Variants in RAD51B observed in about 807,000 individuals in gnomAD.
RAD51B encodes RAD51 paralog B, also known as DNA repair protein RAD51 homolog 2.
In RAD51B, 38 loss-of-function variants were observed where a neutral mutation model predicts 42.2. That is an observed-to-expected ratio of 0.90 (90% CI 0.70 to 1.18). The LOEUF (loss-of-function observed/expected upper bound fraction) is 1.18. Among genes scored for constraint, RAD51B ranks in the 50% most tolerant of loss-of-function variants. The pLI is 0.00. For synonymous variants in RAD51B, 154 were observed against 145.2 expected (o/e 1.06, Z -0.43); for missense variants, 373 against 400.7 (o/e 0.93, Z 0.59).
intron 8 of RAD51B, among the ~76,000 whole-genome samples, chr14:68,400,598 C>T (rs1307832541): frequency 6.6e-6 from 1 of 152,168 alleles, no homozygotes; most frequent in African/African-American, 2.4e-5. Flanking sequence ...GAAAGCAAAG[C>T]TCATACCAGG....
intron 7 of RAD51B, among the ~76,000 whole-genome samples, chr14:68,246,342 C>G (rs1433902574): frequency 6.6e-6 from 1 of 151,908 alleles, no homozygotes; most frequent in Non-Finnish European, 1.5e-5. Context: ...GATAGAAGTT[C>G]CAGTAGACAG....
chr14:67,938,078 G>A (rs569790228), intron 7 of RAD51B, among the ~76,000 whole-genome samples: 1 of 152,284 alleles, frequency 6.6e-6, no homozygotes, highest in South Asian at 2.1e-4. Context: ...AGCCTGGCAT[G>A]TGCTCCAGTG....
intron 7 of RAD51B, among the ~76,000 whole-genome samples, chr14:67,926,623 G>T (rs1274675150): frequency 7.0e-6 from 1 of 143,680 alleles, no homozygotes; most frequent in Non-Finnish European, 1.5e-5. Flanking sequence ...GAGTGCAGTG[G>T]TGTGATCTTG....
intron 7 of RAD51B, among the ~76,000 whole-genome samples, chr14:68,281,080 G>C (rs986091035): frequency 3.3e-5 from 5 of 151,612 alleles, no homozygotes; most frequent in African/African-American, 9.7e-5. Context: ...AAAAAAAATA[G>C]AAGAAAAAGA....
intron 7 of RAD51B, among the ~76,000 whole-genome samples, chr14:68,204,679 A>T (rs1235563847): frequency 6.6e-6 from 1 of 152,234 alleles, no homozygotes; most frequent in East Asian, 1.9e-4. Context: ...GTGTACATTA[A>T]GTGGTGGAAG....
At chr14:68,387,383 C>G (rs947659123) in intron 8 of RAD51B, among the ~76,000 whole-genome samples, 2 of 152,156 alleles carry the variant, frequency 1.3e-5, no homozygotes, top group Non-Finnish European at 2.9e-5. Context: ...AAGGGATGTA[C>G]AAATCGATTG....
At position 68,067,248 on chromosome 14, in the gene RAD51B, A is replaced by G. The variant is rs139619474; in HGVS notation, c.756+180044A>G. On this transcript the variant is annotated intron_variant, in intron 7 of 10. Coordinates refer to ENST00000471583, the MANE Select transcript of RAD51B (RefSeq NM_133510.4). ...GAGGCCGAGGTGGGCAGATCACCTG[A>G]GGTCAGGAGTTTGAGAGCAGCCTGG... Among the ~76,000 whole-genome samples, 1,226 of 152,182 alleles carry G rather than the reference A, an allele frequency of 8.1e-3. 15 individuals carry two copies. Among genetic ancestry groups the G allele is most frequent in the African/African-American group, 0.028 (1,149 of 41,532 alleles).
In RAD51B at chr14:68,346,959, C is replaced by G. The variant is rs371761096; in HGVS notation, c.853+54979C>G. Among the ~76,000 whole-genome samples the G allele has an allele frequency of 7.7e-4, 117 of 152,268 alleles. 1 individual carries two copies. The highest frequency in any genetic ancestry group is 2.7e-3 in the African/African-American group (111 of 41,550). ...TTCCCCTCTTGCCTTCCCTCTACCCCCCAAGGCTGGCTCAGCTTTTAAGAC... is the reference window on the plus strand; with the variant it reads ...TTCCCCTCTTGCCTTCCCTCTACCCGCCAAGGCTGGCTCAGCTTTTAAGAC... On this transcript the variant is annotated intron_variant, in intron 8 of 10. Transcript: ENST00000471583.
Position 67,847,338 on chromosome 14 carries a change from T to C in RAD51B, c.315+12142T>C, listed in dbSNP as rs1401831503. Among the ~76,000 whole-genome samples the C allele has an allele frequency of 3.3e-5, 5 of 149,974 alleles. No individual in the cohort carries two copies. In the South Asian group the frequency reaches 8.3e-4, roughly 25 times the overall value. On this transcript the variant is annotated intron_variant, in intron 4 of 10. Transcript: ENST00000471583. ...GGGTTGGTTTGTTCTTTTTTTTTTT[T>C]TTTTTTTTTTCTAATTCCATTAGGT... is the stretch of plus-strand genomic sequence containing the variant.
chr14:68,614,519 C>T (rs1401542333), downstream of RAD51B, among the ~76,000 whole-genome samples: 1 of 152,182 alleles, frequency 6.6e-6, no homozygotes, highest in African/African-American at 2.4e-5. Context: ...ACTCCCCATT[C>T]CTCCTTCCCC....
At chr14:68,355,987 A>G (rs1010369039) in intron 8 of RAD51B, among the ~76,000 whole-genome samples, 55 of 152,232 alleles carry the variant, frequency 3.6e-4, no homozygotes, top group African/African-American at 1.3e-3. Flanking sequence ...TGCAGTAAAC[A>G]TTCTTTTACA....
At position 68,148,965 on chromosome 14, in the gene RAD51B, G is replaced by C. The variant is rs140000759; in HGVS notation, c.757-142919G>C. On this transcript the variant is annotated intron_variant, in intron 7 of 10. Coordinates refer to ENST00000471583, the MANE Select transcript of RAD51B (RefSeq NM_133510.4). ...GAACTTATTGAGTCATAACCCCACT[G>C]TAAGTTGAGGAGGATCTGCAGGTGT... Among the ~76,000 whole-genome samples the C allele has an allele frequency of 1.1e-4, 17 of 152,300 alleles. No individual in the cohort carries two copies. In the East Asian group the frequency reaches 3.1e-3, roughly 28 times the overall value.
chr14:68,586,339 C>T (rs1046522404), intron 10 of RAD51B, among the ~76,000 whole-genome samples: 3 of 150,998 alleles, frequency 2.0e-5, no homozygotes, highest in Non-Finnish European at 4.4e-5. Flanking sequence ...CCTAACCTTT[C>T]CCCTCCACAC....
At chr14:68,338,421 T>C (rs187615451) in intron 8 of RAD51B, among the ~76,000 whole-genome samples, 146 of 152,318 alleles carry the variant, frequency 9.6e-4, no homozygotes, top group African/African-American at 3.4e-3. Context: ...ACATGGTGCA[T>C]CCTCATTACC....
At chr14:68,144,126 C>G (rs1203892630) in intron 7 of RAD51B, among the ~76,000 whole-genome samples, 1 of 152,208 alleles carries the variant, frequency 6.6e-6, no homozygotes, top group Non-Finnish European at 1.5e-5. Flanking sequence ...TCTCACAAGC[C>G]TAGAAATTTG....
At chr14:68,096,427 C>T (rs886826711) in intron 7 of RAD51B, among the ~76,000 whole-genome samples, 4 of 152,220 alleles carry the variant, frequency 2.6e-5, no homozygotes, top group African/African-American at 9.6e-5. Context: ...GTCGTACCGT[C>T]CAAGAGCTAT....
intron 7 of RAD51B, among the ~76,000 whole-genome samples, chr14:68,015,909 A>G (rs1466460068): frequency 6.6e-6 from 1 of 152,236 alleles, no homozygotes; most frequent in Non-Finnish European, 1.5e-5. Flanking sequence ...ACAGTTCTTC[A>G]GCAGGAAATA....
intron 10 of RAD51B, chr14:68,563,343 G>A: frequency 1.0e-6 from 1 of 985,378 alleles, no homozygotes; most frequent in Non-Finnish European, 1.2e-6. Context: ...CTCCAGCTCA[G>A]CCTGCCAGGC....
At chr14:68,670,628 C>G (rs1181630858) in intron 11 of RAD51B, among the ~76,000 whole-genome samples, 1 of 152,224 alleles carries the variant, frequency 6.6e-6, no homozygotes, top group East Asian at 1.9e-4. Flanking sequence ...TTGCACAGCC[C>G]TTGCCCTCCT....
Sources: gnomAD v4.1 joint callset for allele counts (sites outside exome capture counted in the v4.1 genomes callset) on GRCh38, gnomAD v4.1.1 for gene constraint, MANE v1.5 for transcripts, NCBI Gene and HGNC (gene_info 2026-07-23, HGNC 2026-07-21) for gene names.